The following SERGEF variants were observed in gnomAD, a reference collection of about 807,000 sequenced individuals.
The protein encoded by SERGEF is secretion-regulating guanine nucleotide exchange factor.
Under a neutral mutation model 50.0 loss-of-function variants are expected in SERGEF, and 51 were observed. The ratio of observed to expected loss-of-function variants is 1.02; its 90% CI spans 0.81 to 1.29. The LOEUF (loss-of-function observed/expected upper bound fraction) is 1.29. Among genes scored for constraint, SERGEF ranks in the 50% most tolerant of loss-of-function variants. The pLI is 0.00. For synonymous variants in SERGEF, 205 were observed against 212.4 expected (o/e 0.97, Z 0.30); for missense variants, 521 against 557.0 (o/e 0.94, Z 0.65).
intron 9 of SERGEF, among the ~76,000 whole-genome samples, chr11:17,951,009 A>T (rs1430395462): frequency 2.0e-5 from 3 of 152,164 alleles, no homozygotes; most frequent in Non-Finnish European, 4.4e-5. Context: ...TGGCTGCCTC[A>T]ACAGGAATTC....
At chr11:18,006,867 T>A in intron 2 of SERGEF, 121 bp from the exon 3 acceptor site, 2 of 1,128,742 alleles carry the variant, frequency 1.8e-6, no homozygotes, top group Non-Finnish European at 2.6e-6. Flanking sequence ...GCCATCCAAG[T>A]TAATAAGCTG....
chr11:17,997,885 A>T (rs922057034), intron 5 of SERGEF, among the ~76,000 whole-genome samples: 1 of 152,138 alleles, frequency 6.6e-6, no homozygotes, highest in Non-Finnish European at 1.5e-5. Flanking sequence ...GGAATGGGGA[A>T]TGGGGAGTTA....
At chr11:17,945,850 C>T (rs1852647621) in intron 9 of SERGEF, among the ~76,000 whole-genome samples, 1 of 152,016 alleles carries the variant, frequency 6.6e-6, no homozygotes, top group Admixed American at 6.6e-5. Flanking sequence ...CAGTGGCACG[C>T]ACCTGTAATC....
chr11:17,865,318 A>T (rs1001627117), intron 10 of SERGEF, among the ~76,000 whole-genome samples: 66 of 152,314 alleles, frequency 4.3e-4, no homozygotes, highest in South Asian at 1.7e-3. Context: ...TAAATAAATG[A>T]CTATGTTACT....
chr11:18,011,301 G>A (rs1476270799), intron 1 of SERGEF, among the ~76,000 whole-genome samples: 1 of 152,164 alleles, frequency 6.6e-6, no homozygotes, highest in African/African-American at 2.4e-5. Flanking sequence ...GTTAAATGAG[G>A]TCATAAGGGT....
intron 10 of SERGEF, among the ~76,000 whole-genome samples, chr11:17,806,414 A>T (rs1301737937): frequency 6.6e-6 from 1 of 152,136 alleles, no homozygotes; most frequent in Non-Finnish European, 1.5e-5. Context: ...CTCATTTCAC[A>T]CCCACAATAA....
intron 1 of SERGEF, chr11:18,010,014 G>A (rs1854164104): frequency 1.4e-6 from 1 of 694,636 alleles, no homozygotes; most frequent in Non-Finnish European, 2.1e-6. Context: ...AGGGATTGTG[G>A]ACCTGCAGAG....
intron 8 of SERGEF, among the ~76,000 whole-genome samples, chr11:17,974,444 C>G (rs1248223962): frequency 5.3e-5 from 8 of 152,220 alleles, no homozygotes; most frequent in Non-Finnish European, 8.8e-5. Flanking sequence ...ATTTCACAGG[C>G]TCAGCTCCAA....
At chr11:17,843,250 C>T (rs1479105133) in intron 10 of SERGEF, among the ~76,000 whole-genome samples, 1 of 152,128 alleles carries the variant, frequency 6.6e-6, no homozygotes, top group African/African-American at 2.4e-5. Context: ...TCCTCTGCGG[C>T]CTGGCTTGGG....
intron 10 of SERGEF, among the ~76,000 whole-genome samples, chr11:17,837,466 A>G (rs1249870706): frequency 4.0e-5 from 6 of 151,222 alleles, no homozygotes; most frequent in African/African-American, 1.5e-4. Context: ...TGGGAGAGCT[A>G]CTTGTTAAAA....
chr11:17,811,300 C>T (rs1303581594), intron 10 of SERGEF, among the ~76,000 whole-genome samples: 2 of 152,346 alleles, frequency 1.3e-5, no homozygotes, highest in East Asian at 3.9e-4. Flanking sequence ...CTTTTCTCAT[C>T]TGGGTCCCAC....
chr11:17,896,965 T>C (rs968332112), intron 9 of SERGEF, among the ~76,000 whole-genome samples: 6 of 149,588 alleles, frequency 4.0e-5, no homozygotes, highest in African/African-American at 1.2e-4. Context: ...AAGTACACCT[T>C]AATATTAGAA....
chr11:17,998,003 TTAAGA>T (rs1304252681), intron 5 of SERGEF, among the ~76,000 whole-genome samples: 1 of 152,062 alleles, frequency 6.6e-6, no homozygotes, highest in Non-Finnish European at 1.5e-5. Flanking sequence ...TTAAAAATGG[TTAAGA>T]TAATAAACTG....
At chr11:17,806,259 C>A (rs1849756603) in intron 10 of SERGEF, among the ~76,000 whole-genome samples, 1 of 152,182 alleles carries the variant, frequency 6.6e-6, no homozygotes, top group Non-Finnish European at 1.5e-5. Context: ...TATTTGGGTA[C>A]CTTATGTATG....
intron 9 of SERGEF, among the ~76,000 whole-genome samples, chr11:17,893,959 T>C (rs1194417373): frequency 6.6e-6 from 1 of 152,182 alleles, no homozygotes; most frequent in African/African-American, 2.4e-5. Flanking sequence ...TTGCCTGGGA[T>C]TGTGCAGCAG....
chr11:17,834,674 G>T (rs1850370849), intron 10 of SERGEF, among the ~76,000 whole-genome samples: 2 of 152,126 alleles, frequency 1.3e-5, no homozygotes, highest in Non-Finnish European at 2.9e-5. Flanking sequence ...TCCTAAACAA[G>T]CCTGAAGTTT....
chr11:17,909,204 C>A (rs524657), intron 9 of SERGEF, among the ~76,000 whole-genome samples: 104,301 of 152,144 alleles, frequency 0.69, 36,264 homozygotes, highest in African/African-American at 0.79. Flanking sequence ...ATCTTAGATT[C>A]TTCATTGGCA....
Position 17,878,208 on chromosome 11 carries a change from C to A in SERGEF, c.1048G>T (p.Gly350Cys). 6.3e-7 allele frequency: 1 copy of A among 1,575,252 alleles called. No individual in the cohort carries two copies. The highest frequency in any genetic ancestry group is 8.7e-7 in the Non-Finnish European group (1 of 1,151,792). The change falls in exon 10 of 11, where the codon GGT (glycine) becomes TGT (cysteine). Residue 350 changes from glycine (G) to cysteine (C), a missense_variant and splice_region_variant. Coordinates refer to ENST00000265965, the MANE Select transcript of SERGEF (RefSeq NM_012139.4). ...AGTTATCAGTATAAAAATTACTTACCAATTATTGCCAAATTATGCTCTGAG... is the reference window on the plus strand; with the variant it reads ...AGTTATCAGTATAAAAATTACTTACAAATTATTGCCAAATTATGCTCTGAG... ...CGSEHNLAII[G>C]GVCYSWGWNE...
intron 5 of SERGEF, chr11:17,999,466 C>A: frequency 2.5e-6 from 1 of 393,304 alleles, no homozygotes; most frequent in Non-Finnish European, 4.9e-6. Flanking sequence ...GGACTATCAG[C>A]ACAGTCCTGC....
Sources: gnomAD v4.1 joint callset for allele counts (sites outside exome capture counted in the v4.1 genomes callset) on GRCh38, gnomAD v4.1.1 for gene constraint, MANE v1.5 for transcripts, NCBI Gene and HGNC (gene_info 2026-07-23, HGNC 2026-07-21) for gene names.